Variants in L3MBTL4 observed in about 807,000 individuals in gnomAD.
L3MBTL4 encodes lethal(3)malignant brain tumor-like protein 4.
Under a neutral mutation model 84.5 loss-of-function variants are expected in L3MBTL4, and 70 were observed. The ratio of observed to expected loss-of-function variants is 0.83; its 90% confidence interval spans 0.68 to 1.01. The LOEUF (loss-of-function observed/expected upper bound fraction) is 1.01. Among genes scored for constraint, L3MBTL4 ranks in the 50% least tolerant of loss-of-function variants. L3MBTL4 has a pLI of 0.00. For missense variants in L3MBTL4, 715 were observed against 754.8 expected (o/e 0.95, Z 0.62); for synonymous variants, 274 against 259.8 (o/e 1.05, Z -0.52).
intron 12 of L3MBTL4, among the ~76,000 whole-genome samples, chr18:6,181,625 C>A (rs534448857): frequency 6.6e-6 from 1 of 152,120 alleles, no homozygotes; most frequent in African/African-American, 2.4e-5. Context: ...CCACCACACC[C>A]GGCCATGCTG....
intron 14 of L3MBTL4, among the ~76,000 whole-genome samples, chr18:6,118,979 G>GT (rs36053569): frequency 0.35 from 45,209 of 128,304 alleles, 7,960 homozygotes; most frequent in East Asian, 0.59. Flanking sequence ...ATTTGGCACA[G>GT]TTTTTTTTGG....
At chr18:6,163,267 G>T (rs984059956) in intron 13 of L3MBTL4, among the ~76,000 whole-genome samples, 1 of 93,694 alleles carries the variant, frequency 1.1e-5, no homozygotes, top group African/African-American at 4.0e-5. Flanking sequence ...TGTGGGGGGG[G>T]GGTGGGTGTG....
At chr18:6,223,949 G>A (rs368403377) in intron 10 of L3MBTL4, among the ~76,000 whole-genome samples, 25 of 152,192 alleles carry the variant, frequency 1.6e-4, no homozygotes, top group African/African-American at 6.0e-4. Flanking sequence ...GGAGCGGTTC[G>A]ATATACTAGT....
chr18:6,151,539 C>T (rs1349354988), intron 13 of L3MBTL4, among the ~76,000 whole-genome samples: 1 of 152,030 alleles, frequency 6.6e-6, no homozygotes, highest in Non-Finnish European at 1.5e-5. Flanking sequence ...ATTACAGGCA[C>T]GCGCCACCAG....
At chr18:6,118,737 C>T (rs1229270286) in intron 14 of L3MBTL4, among the ~76,000 whole-genome samples, 2 of 152,126 alleles carry the variant, frequency 1.3e-5, no homozygotes, top group African/African-American at 2.4e-5. Context: ...TCAGAAGAAA[C>T]CCTTAAAAAC....
intron 1 of L3MBTL4, among the ~76,000 whole-genome samples, chr18:6,376,583 C>G (rs1323218632): frequency 6.6e-6 from 1 of 151,964 alleles, no homozygotes; most frequent in East Asian, 1.9e-4. Context: ...ACAACAACAA[C>G]AAAAATTAGC....
chr18:6,173,963 A>G (rs1163766427), intron 12 of L3MBTL4, among the ~76,000 whole-genome samples: 2 of 152,142 alleles, frequency 1.3e-5, no homozygotes. Context: ...ACTAATGTGG[A>G]GAAACCTCAA....
intron 12 of L3MBTL4, among the ~76,000 whole-genome samples, chr18:6,197,205 C>A (rs1167774921): frequency 6.6e-6 from 1 of 152,160 alleles, no homozygotes; most frequent in African/African-American, 2.4e-5. Context: ...CCTGCCAACC[C>A]ATCACCTAGG....
At chr18:6,286,066 G>A (rs959130915) in intron 4 of L3MBTL4, among the ~76,000 whole-genome samples, 4 of 151,504 alleles carry the variant, frequency 2.6e-5, no homozygotes, top group African/African-American at 9.7e-5. Context: ...TCTTGACCTC[G>A]TGATCCGCCC....
intron 16 of L3MBTL4, among the ~76,000 whole-genome samples, chr18:6,005,727 C>T (rs965692785): frequency 2.8e-4 from 42 of 152,082 alleles, no homozygotes; most frequent in Non-Finnish European, 4.7e-4. Context: ...TCGTCTTTAT[C>T]CAGTCTACTG....
chr18:6,267,866 G>A (rs1275245331), intron 4 of L3MBTL4, among the ~76,000 whole-genome samples: 2 of 152,212 alleles, frequency 1.3e-5, no homozygotes, highest in African/African-American at 4.8e-5. Context: ...CAAGTGAGAT[G>A]AGGGAATACC....
At chr18:6,316,524 A>C (rs750734091) in intron 1 of L3MBTL4, among the ~76,000 whole-genome samples, 1 of 152,166 alleles carries the variant, frequency 6.6e-6, no homozygotes, top group Non-Finnish European at 1.5e-5. Flanking sequence ...CTGCAAACAC[A>C]GCTGGGGCTT....
At chr18:6,273,667 G>T (rs906949874) in intron 4 of L3MBTL4, among the ~76,000 whole-genome samples, 13 of 152,198 alleles carry the variant, frequency 8.5e-5, no homozygotes, top group Non-Finnish European at 1.5e-4. Context: ...GAGGCTCTAA[G>T]CCATGAGAAT....
intron 16 of L3MBTL4, among the ~76,000 whole-genome samples, chr18:6,005,387 T>C (rs1236820134): frequency 6.6e-6 from 1 of 152,050 alleles, no homozygotes; most frequent in African/African-American, 2.4e-5. Flanking sequence ...GTTTGTTATA[T>C]AGGTAAATTG....
intron 1 of L3MBTL4, among the ~76,000 whole-genome samples, chr18:6,391,736 T>G (rs2055058248): frequency 9.2e-6 from 1 of 108,954 alleles, no homozygotes; most frequent in African/African-American, 4.3e-5. Flanking sequence ...TTACAACATC[T>G]GCAAACAACA....
chr18:5,995,444 T>C (rs2053914297), intron 16 of L3MBTL4, among the ~76,000 whole-genome samples: 1 of 152,218 alleles, frequency 6.6e-6, no homozygotes, highest in Admixed American at 6.5e-5. Context: ...AGGTAGTCTT[T>C]CTGATTTATG....
At chr18:5,980,505 C>T (rs183158465) in intron 16 of L3MBTL4, among the ~76,000 whole-genome samples, 41 of 143,776 alleles carry the variant, frequency 2.9e-4, no homozygotes, top group Admixed American at 1.4e-3. Context: ...GATCTCAGCT[C>T]ACTGCAACCT....
intron 16 of L3MBTL4, among the ~76,000 whole-genome samples, chr18:6,046,552 C>T (rs2056627590): frequency 1.3e-5 from 2 of 152,102 alleles, no homozygotes; most frequent in African/African-American, 4.8e-5. Flanking sequence ...ATCATACCAA[C>T]AGTACTCTCA....
chr18:6,259,089 C>G (rs1236101029), intron 5 of L3MBTL4: 2 of 152,230 alleles, frequency 1.3e-5, no homozygotes, highest in African/African-American at 4.8e-5. Flanking sequence ...AGCAGGTGTG[C>G]ACCTGGCCAC....
Sources: allele counts gnomAD v4.1 joint callset (sites outside exome capture counted in the v4.1 genomes callset), GRCh38; gene constraint gnomAD v4.1.1; transcripts MANE v1.5; gene names NCBI Gene and HGNC (gene_info 2026-07-23, HGNC 2026-07-21).